The following ZFHX3 variants were observed in gnomAD, a reference collection of about 807,000 sequenced individuals.
ZFHX3 encodes zinc finger homeobox protein 3.
Under a neutral mutation model 279.1 loss-of-function variants are expected in ZFHX3, and 42 were observed. The observed-to-expected ratio is 0.15, with a 90% CI of 0.12 to 0.19. The LOEUF is 0.19. Ranked by LOEUF, ZFHX3 falls within the 10% of genes least tolerant of loss-of-function variation. The probability of loss-of-function intolerance (pLI) is 1.00; values close to 1 mark genes in which losing one functional copy is unlikely to be tolerated. For missense variants in ZFHX3, 4,981 were observed against 4,754.0 expected (o/e 1.05, Z -1.40); for synonymous variants, 2,293 against 1,957.8 (o/e 1.17, Z -4.52).
intron 1 of ZFHX3, among the ~76,000 whole-genome samples, chr16:73,742,434 A>G (rs534500412): frequency 1.2e-4 from 18 of 152,328 alleles, no homozygotes; most frequent in African/African-American, 4.3e-4. Flanking sequence ...AATGGCCAAG[A>G]CTTCTTCCAC....
At chr16:73,014,046 C>A (rs1295840810) in intron 1 of ZFHX3, among the ~76,000 whole-genome samples, 2 of 152,106 alleles carry the variant, frequency 1.3e-5, no homozygotes, top group Non-Finnish European at 2.9e-5. Flanking sequence ...GGGGTCCTTA[C>A]AACAGGGGCA....
intron 5 of ZFHX3, among the ~76,000 whole-genome samples, chr16:72,817,669 A>G (rs2036653242): frequency 6.6e-6 from 1 of 152,188 alleles, no homozygotes; most frequent in Non-Finnish European, 1.5e-5. Flanking sequence ...CTGGGCAGGC[A>G]TTAAGCTGTC....
chr16:73,134,277 C>A (rs1966747429), intron 6 of ZFHX3, among the ~76,000 whole-genome samples: 1 of 146,218 alleles, frequency 6.8e-6, no homozygotes, highest in Non-Finnish European at 1.5e-5. Flanking sequence ...TGAGGACTAG[C>A]TTTGTTTTTC....
chr16:73,501,940 T>C (rs2019246430), intron 2 of ZFHX3, among the ~76,000 whole-genome samples: 1 of 152,202 alleles, frequency 6.6e-6, no homozygotes, highest in East Asian at 1.9e-4. Context: ...GTTTGGTTAA[T>C]GTTATAGAGG....
At chr16:73,546,716 C>CTGT (rs1434319599) in intron 2 of ZFHX3, among the ~76,000 whole-genome samples, 4 of 121,298 alleles carry the variant, frequency 3.3e-5, no homozygotes, top group African/African-American at 1.0e-4. Context: ...GCTGCTGCTG[C>CTGT]TGCTGCTGCT....
chr16:73,579,989 T>C (rs916809153), intron 2 of ZFHX3, among the ~76,000 whole-genome samples: 7 of 147,960 alleles, frequency 4.7e-5, no homozygotes, highest in Non-Finnish European at 1.0e-4. Flanking sequence ...ATAATACACA[T>C]ATATATTTTA....
At chr16:73,466,958 AT>A (rs138798415) in intron 2 of ZFHX3, among the ~76,000 whole-genome samples, 1 of 151,966 alleles carries the variant, frequency 6.6e-6, no homozygotes, top group Non-Finnish European at 1.5e-5. Context: ...AGGCGAACTG[AT>A]TTTTTTAGGG....
intron 1 of ZFHX3, among the ~76,000 whole-genome samples, chr16:73,759,355 T>C (rs2053840804): frequency 6.6e-6 from 1 of 152,160 alleles, no homozygotes; most frequent in Non-Finnish European, 1.5e-5. Context: ...GTCCCTCTCC[T>C]TTAAGGACAT....
intron 1 of ZFHX3, among the ~76,000 whole-genome samples, chr16:73,021,949 C>T (rs1202354766): frequency 1.3e-5 from 2 of 151,722 alleles, no homozygotes; most frequent in Non-Finnish European, 2.9e-5. Context: ...TGGAGTGACA[C>T]AGCTCCAAGC....
chr16:73,495,611 T>G (rs1268179113), intron 2 of ZFHX3, among the ~76,000 whole-genome samples: 1 of 152,184 alleles, frequency 6.6e-6, no homozygotes, highest in East Asian at 1.9e-4. Flanking sequence ...AGTTTTGCCC[T>G]TACAATCTCA....
At position 72,823,955 on chromosome 16, in the gene ZFHX3, A is replaced by C. The variant is rs1405782700; in HGVS notation, c.3529+5824T>G. ...TTAGAGACTCAATTTGGAAAAACGA[A>C]AAAAAAAGTATTTTTTCAGCCCCTT... On this transcript the variant is annotated intron_variant, in intron 5 of 9. Coordinates refer to ENST00000268489, the MANE Select transcript of ZFHX3 (RefSeq NM_006885.4). Among the ~76,000 whole-genome samples, 6 of 152,226 alleles carry C rather than the reference A, an allele frequency of 3.9e-5. No homozygotes were observed. In the East Asian group the frequency reaches 1.2e-3, roughly 29 times the overall value.
At chr16:73,153,001 G>T (rs935221660) in intron 5 of ZFHX3, among the ~76,000 whole-genome samples, 3 of 152,120 alleles carry the variant, frequency 2.0e-5, no homozygotes, top group Non-Finnish European at 4.4e-5. Flanking sequence ...GGAATTTTTG[G>T]ATGGTTTTGC....
chr16:73,586,153 C>T (rs1028746532), intron 2 of ZFHX3, among the ~76,000 whole-genome samples: 1 of 152,042 alleles, frequency 6.6e-6, no homozygotes, highest in Non-Finnish European at 1.5e-5. Context: ...CTTTGGGAGG[C>T]TAAGACAGGA....
intron 2 of ZFHX3, among the ~76,000 whole-genome samples, chr16:73,472,666 G>T (rs1385136059): frequency 6.6e-6 from 1 of 152,138 alleles, no homozygotes; most frequent in Admixed American, 6.5e-5. Flanking sequence ...ACCTAGATTT[G>T]CTTGTCTTCA....
intron 1 of ZFHX3, among the ~76,000 whole-genome samples, chr16:72,976,858 C>T (rs572434070): frequency 6.6e-6 from 1 of 152,304 alleles, no homozygotes; most frequent in South Asian, 2.1e-4. Flanking sequence ...AACCCGGAGG[C>T]CCTGAGACCT....
At chr16:73,766,098 A>C (rs897073036) in intron 1 of ZFHX3, among the ~76,000 whole-genome samples, 6 of 152,144 alleles carry the variant, frequency 3.9e-5, no homozygotes, top group Admixed American at 2.0e-4. Context: ...AGTTCTCCCA[A>C]TCCCACCCCT....
At chr16:73,371,137 C>T (rs1228737129) in intron 3 of ZFHX3, among the ~76,000 whole-genome samples, 4 of 151,874 alleles carry the variant, frequency 2.6e-5, no homozygotes, top group Non-Finnish European at 5.9e-5. Flanking sequence ...GCCTGGCCGA[C>T]ATGGTGAAAA....
At chr16:73,666,415 G>C (rs988303715) in intron 2 of ZFHX3, among the ~76,000 whole-genome samples, 2 of 151,704 alleles carry the variant, frequency 1.3e-5, no homozygotes, top group Admixed American at 6.6e-5. Context: ...TCAAATATAA[G>C]GTCTTTGGCC....
intron 2 of ZFHX3, among the ~76,000 whole-genome samples, chr16:72,955,359 G>T (rs1164399100): frequency 6.6e-6 from 1 of 152,162 alleles, no homozygotes; most frequent in Non-Finnish European, 1.5e-5. Context: ...TGCTCCTTCT[G>T]AATCTGCCGC....
Sources: gnomAD v4.1 joint callset for allele counts (sites outside exome capture counted in the v4.1 genomes callset) on GRCh38, gnomAD v4.1.1 for gene constraint, MANE v1.5 for transcripts, NCBI Gene and HGNC (gene_info 2026-07-23, HGNC 2026-07-21) for gene names.